AGPAT3: variants seen among roughly 807,000 people sequenced by gnomAD.
AGPAT3 encodes the protein 1-acyl-sn-glycerol-3-phosphate acyltransferase gamma.
A neutral mutation model predicts 47.3 loss-of-function variants in AGPAT3; 5 were observed. The ratio of observed to expected loss-of-function variants is 0.11; its 90% CI spans 0.06 to 0.22. The LOEUF (loss-of-function observed/expected upper bound fraction) is 0.22, where lower values mean the gene tolerates loss of function less well. AGPAT3 is among the 10% of genes least tolerant of loss of function. AGPAT3 has a pLI of 1.00. For missense variants in AGPAT3, 315 were observed against 493.0 expected (o/e 0.64, Z 3.42); for synonymous variants, 212 against 208.3 (o/e 1.02, Z -0.15).
intron 1 of AGPAT3, among the ~76,000 whole-genome samples, chr21:43,870,178 G>A (rs771664668): frequency 2.0e-5 from 3 of 152,204 alleles, no homozygotes; most frequent in Non-Finnish European, 2.9e-5. Flanking sequence ...GTGCAGGGAG[G>A]CGAAGTGCTG....
At position 43,922,090 on chromosome 21, in the gene AGPAT3, A is replaced by G. The variant is rs2086909768; in HGVS notation, c.-49+18071A>G. Among the ~76,000 whole-genome samples the G allele has an allele frequency of 1.3e-5, 2 of 152,058 alleles. No homozygotes were observed. The highest frequency in any genetic ancestry group is 1.3e-4 in the Admixed American group (2 of 15,278). On this transcript the variant is annotated intron_variant, in intron 2 of 9. Transcript: ENST00000291572. This position sits in a 1 kb window ranked among gnomAD's most constrained non-coding sequence, Gnocchi z 4.9. ...CTTCCTTATTTGGGGGAGATTTTTT[A>G]TAATGGAAAAGGTTTCCTTTTTTGG... is the stretch of plus-strand genomic sequence containing the variant.
chr21:43,972,015 G>A (rs1436574245), intron 7 of AGPAT3, among the ~76,000 whole-genome samples: 1 of 152,222 alleles, frequency 6.6e-6, no homozygotes, highest in South Asian at 2.1e-4. Flanking sequence ...GACCACCTGC[G>A]GAGCCCCTGG....
At chr21:43,938,117 G>GACTC (rs778265509) in intron 2 of AGPAT3, among the ~76,000 whole-genome samples, 7 of 147,378 alleles carry the variant, frequency 4.7e-5, no homozygotes, top group African/African-American at 1.8e-4. Context: ...CACACACACA[G>GACTC]ACACACACAC....
At chr21:43,968,172 G>A (rs1158329392) in intron 4 of AGPAT3, 57 bp downstream of exon 4, 3 of 1,591,156 alleles carry the variant, frequency 1.9e-6, no homozygotes, top group Non-Finnish European at 2.6e-6. Flanking sequence ...GGGAGGGCCG[G>A]GGGTGAGCGG....
chr21:43,968,202 G>A (rs1352208253), intron 4 of AGPAT3, 87 bp downstream of exon 4: 7 of 1,312,094 alleles, frequency 5.3e-6, no homozygotes, highest in Non-Finnish European at 7.3e-6. Flanking sequence ...GAGGGCCGGG[G>A]TGAGCAGGGG....
intron 2 of AGPAT3, among the ~76,000 whole-genome samples, chr21:43,942,904 G>A (rs532453586): frequency 4.3e-4 from 65 of 152,306 alleles, no homozygotes; most frequent in African/African-American, 1.6e-3. Flanking sequence ...TGTATACAGA[G>A]AAAAAGCCGT....
chr21:43,955,022 G>T lies in AGPAT3; in HGVS notation c.-48-4612G>T. On this transcript the variant is annotated intron_variant, in intron 2 of 9. Coordinates refer to ENST00000291572, the MANE Select transcript of AGPAT3 (RefSeq NM_020132.5). This position sits in a 1 kb window ranked among gnomAD's most constrained non-coding sequence, Gnocchi z 4.1. The stretch of plus-strand genomic sequence containing the variant: ...GGAAGCTGCATCCACACAGAGGCTG[G>T]GACGTGAATGTGCATCACGGCTCTA... 8.6e-7 allele frequency: 1 copy of T among 1,169,230 alleles called. No individual in the cohort carries two copies. Among genetic ancestry groups the T allele is most frequent in the Non-Finnish European group, 1.1e-6 (1 of 921,840 alleles). The allele number at this position is 1,169,230 out of a possible 1,614,324, so 72.4% of individuals were successfully genotyped here.
rs1356373589 is a variant in AGPAT3, at chr21:43,908,281, G to C, written c.-49+4262G>C. ...CTTTGTTGGGGCTGGTCACTCCCCA[G>C]CCCTGAGGACTCTGGGGAAGGAATG... On this transcript the variant is annotated intron_variant, in intron 2 of 9. Transcript: ENST00000291572. This position sits in a 1 kb window ranked among gnomAD's most constrained non-coding sequence, Gnocchi z 4.9. Among the ~76,000 whole-genome samples, 3 of 152,162 alleles carry C rather than the reference G, an allele frequency of 2.0e-5. No homozygotes were observed. Among genetic ancestry groups the C allele is most frequent in the Admixed American group, 2.0e-4 (3 of 15,284 alleles).
intron 8 of AGPAT3, among the ~76,000 whole-genome samples, chr21:43,978,959 A>T (rs2089729359): frequency 6.6e-6 from 1 of 152,192 alleles, no homozygotes; most frequent in South Asian, 2.1e-4. Context: ...TCCTCCCAGG[A>T]TGTAAAAAAT....
chr21:43,956,783 GCC>G (rs2088486372), intron 2 of AGPAT3, among the ~76,000 whole-genome samples: 1 of 152,194 alleles, frequency 6.6e-6, no homozygotes. Context: ...TAGGAGGTCA[GCC>G]CCTTCCGCGC....
chr21:43,866,908 G>T (rs762516103), intron 1 of AGPAT3, among the ~76,000 whole-genome samples: 1 of 152,240 alleles, frequency 6.6e-6, no homozygotes, highest in Non-Finnish European at 1.5e-5. Context: ...AGTGTGGCCG[G>T]GTGGGAAAGT....
Position 43,982,462 on chromosome 21 carries a change from G to C in AGPAT3, c.*70G>C. The C allele has an allele frequency of 1.8e-6, 2 of 1,135,272 alleles. No homozygotes were observed. The highest frequency in any genetic ancestry group is 2.0e-4 in the Middle Eastern group (1 of 5,032). 70.3% of individuals were successfully genotyped at this position (1,135,272 alleles called of 1,614,324 possible). On this transcript the variant is annotated 3_prime_UTR_variant, in exon 10 of 10. Transcript: ENST00000291572. The surrounding 1 kb of genome is among the most constrained non-coding windows in gnomAD (Gnocchi z 6.2). ...AGTTAACTCAAAACCAACACACAGAGTGCAGGAAAAGACAATTAGAAACTA... is the reference window on the plus strand; with the variant it reads ...AGTTAACTCAAAACCAACACACAGACTGCAGGAAAAGACAATTAGAAACTA...
At position 43,983,249 on chromosome 21, in the gene AGPAT3, A is replaced by C. The variant is rs2029898869; in HGVS notation, c.*857A>C. On this transcript the variant is annotated 3_prime_UTR_variant, in exon 10 of 10. Transcript: ENST00000291572. Reference sequence around the variant, plus strand: ...CCCCCCATCCCACAGATCAGGAGCCAAGGAGGGAGAACAGGGCAGCCTGTG... The same window carrying C: ...CCCCCCATCCCACAGATCAGGAGCCCAGGAGGGAGAACAGGGCAGCCTGTG... 6.6e-6 allele frequency: 1 copy of C among 152,320 alleles called. No homozygotes were observed. The highest frequency in any genetic ancestry group is 1.5e-5 in the Non-Finnish European group (1 of 68,100). 9.4% of individuals were successfully genotyped at this position (152,320 alleles called of 1,614,324 possible). A position where few individuals can be genotyped will look rare whatever the true frequency, so the allele number is the denominator to read the frequency against.
At chr21:43,966,590 C>T (rs1254155196) in intron 3 of AGPAT3, 1 of 152,266 alleles carries the variant, frequency 6.6e-6, no homozygotes, top group Non-Finnish European at 1.5e-5. Flanking sequence ...ATCATGACCG[C>T]TGGGAAGACA....
chr21:43,893,881 A>G (rs1006571497), intron 1 of AGPAT3, among the ~76,000 whole-genome samples: 2 of 152,234 alleles, frequency 1.3e-5, no homozygotes, highest in African/African-American at 4.8e-5. Flanking sequence ...TCACTGTGAC[A>G]GGTATAACAA....
chr21:43,931,054 T>G (rs2087225453), intron 2 of AGPAT3, among the ~76,000 whole-genome samples: 1 of 152,100 alleles, frequency 6.6e-6, no homozygotes, highest in African/African-American at 2.4e-5. Context: ...CCATTGCCTT[T>G]TCTCGAGGGC....
rs546815203 is a variant in AGPAT3 at position 43,970,036 on chromosome 21, C to G, written c.511-617C>G. On this transcript the variant is annotated intron_variant, in intron 5 of 9. Coordinates refer to ENST00000291572, the MANE Select transcript of AGPAT3 (RefSeq NM_020132.5). The surrounding 1 kb of genome is among the most constrained non-coding windows in gnomAD (Gnocchi z 5.8). ...TCTTTTTTTTTGTTTTGAGACAGAG[C>G]CTTAGTCTGTCACCCAGGCTAGAGT... is the stretch of plus-strand genomic sequence containing the variant. Among the ~76,000 whole-genome samples, 2 of 150,768 alleles carry G rather than the reference C, an allele frequency of 1.3e-5. No homozygotes were observed. The highest frequency in any genetic ancestry group is 2.1e-4 in the South Asian group (1 of 4,760).
chr21:43,964,211 C>A (rs969694873), intron 3 of AGPAT3, among the ~76,000 whole-genome samples: 3 of 151,430 alleles, frequency 2.0e-5, no homozygotes, highest in Non-Finnish European at 4.4e-5. Flanking sequence ...ATGGTGAAAC[C>A]CCATCTCTAC....
intron 2 of AGPAT3, among the ~76,000 whole-genome samples, chr21:43,951,928 G>A (rs563736464): frequency 1.3e-5 from 2 of 152,232 alleles, no homozygotes; most frequent in South Asian, 4.2e-4. Flanking sequence ...AAGAAGGGGG[G>A]TCTCTGGGGA....
Sources: allele counts gnomAD v4.1 joint callset (sites outside exome capture counted in the v4.1 genomes callset), GRCh38; gene constraint gnomAD v4.1.1; non-coding constraint Gnocchi (gnomAD v3.1); transcripts MANE v1.5; gene names NCBI Gene and HGNC (gene_info 2026-07-23, HGNC 2026-07-21).